MCC: variants seen among roughly 807,000 people sequenced by gnomAD.
MCC encodes MCC regulator of Wnt signaling pathway.
In MCC, 90 loss-of-function variants were observed where a neutral mutation model predicts 116.2. That is an observed-to-expected ratio of 0.77 (90% CI 0.65 to 0.92). MCC has a LOEUF of 0.92. Among genes scored for constraint, MCC ranks in the 40% least tolerant of loss-of-function variants. The pLI is 0.00. For synonymous variants in MCC, 578 were observed against 510.5 expected (o/e 1.13, Z -1.78); for missense variants, 1,516 against 1,312.2 (o/e 1.16, Z -2.40).
At chr5:113,161,527 C>T (rs924110080) in intron 3 of MCC, among the ~76,000 whole-genome samples, 1 of 152,116 alleles carries the variant, frequency 6.6e-6, no homozygotes, top group African/African-American at 2.4e-5. Flanking sequence ...AGTATTTTTA[C>T]AGCAATGGTT....
At chr5:113,297,749 CAAAAAAA>C (rs57148050) in intron 3 of MCC, among the ~76,000 whole-genome samples, 118 of 60,560 alleles carry the variant, frequency 1.9e-3, no homozygotes, top group African/African-American at 6.2e-3. Flanking sequence ...GACTCTGTCT[CAAAAAAA>C]AAAAAAAAAA....
chr5:113,448,593 T>G (rs1175904226), intron 1 of MCC, among the ~76,000 whole-genome samples: 1 of 151,950 alleles, frequency 6.6e-6, no homozygotes, highest in Non-Finnish European at 1.5e-5. Context: ...TTTTTCAGAT[T>G]TGATGCACTG....
Position 113,081,073 on chromosome 5 carries a change from A to AC in MCC, c.1784+1786dup, listed in dbSNP as rs553582441. Among the ~76,000 whole-genome samples the AC allele has an allele frequency of 2.2e-4, 33 of 151,622 alleles. 1 individual carries two copies. In the South Asian group the frequency reaches 4.0e-3, roughly 18 times the overall value. On this transcript the variant is annotated intron_variant, in intron 11 of 18. Transcript: ENST00000408903. ...GAAAACATTTTGGTGGGTAGGGATG[A>AC]CCCCCCCTCCCCTGCCAATCATGAA...
At chr5:113,310,560 T>A (rs1767113359) in intron 3 of MCC, among the ~76,000 whole-genome samples, 1 of 152,224 alleles carries the variant, frequency 6.6e-6, no homozygotes, top group Admixed American at 6.5e-5. Context: ...AACTACTTAT[T>A]TTTTTCATAT....
At chr5:113,050,099 C>T (rs533349780) in intron 15 of MCC, among the ~76,000 whole-genome samples, 17 of 152,214 alleles carry the variant, frequency 1.1e-4, no homozygotes, top group Admixed American at 7.2e-4. Flanking sequence ...TTCATCTTCC[C>T]AACCTGGGTT....
rs190212672 is a variant in MCC, at chr5:113,242,475, T to C, written c.628-91053A>G. 4.0e-3 allele frequency among the ~76,000 whole-genome samples: 607 copies of C among 152,204 alleles called. 2 individuals carry two copies. The highest frequency in any genetic ancestry group is 6.4e-3 in the Non-Finnish European group (432 of 68,012). On this transcript the variant is annotated intron_variant, in intron 3 of 18. Transcript: ENST00000408903. ...ATTAACTGGAAAAAAAATTAAGTCT[T>C]ACATTCACATTTAAAAACAACTACG...
chr5:113,471,748 T>C (rs1394995608), intron 1 of MCC, among the ~76,000 whole-genome samples: 1 of 49,534 alleles, frequency 2.0e-5, no homozygotes, highest in Non-Finnish European at 4.3e-5. Context: ...TTTTTGTTTG[T>C]CTGTGCCCTG....
intron 3 of MCC, among the ~76,000 whole-genome samples, chr5:113,182,163 A>G (rs903258733): frequency 6.6e-6 from 1 of 152,200 alleles, no homozygotes; most frequent in East Asian, 1.9e-4. Flanking sequence ...ACCCCCACCA[A>G]TGAAATGCTT....
At chr5:113,079,024 CAGAG>C (rs1372767584) in intron 11 of MCC, among the ~76,000 whole-genome samples, 2 of 152,184 alleles carry the variant, frequency 1.3e-5, no homozygotes, top group African/African-American at 4.8e-5. Flanking sequence ...AACAGACAAA[CAGAG>C]AGCCAAATCA....
At chr5:113,295,830 G>A (rs964906373) in intron 3 of MCC, among the ~76,000 whole-genome samples, 3 of 152,186 alleles carry the variant, frequency 2.0e-5, no homozygotes, top group Admixed American at 1.3e-4. Flanking sequence ...GTAGGTCTGC[G>A]AGATTGCTTA....
At chr5:113,128,979 ACAT>A (rs566132897) in intron 5 of MCC, among the ~76,000 whole-genome samples, 170 of 152,318 alleles carry the variant, frequency 1.1e-3, no homozygotes, top group African/African-American at 3.9e-3. Context: ...ATCAGGAGAA[ACAT>A]CAAGCTCCTA....
At chr5:113,242,888 C>T (rs1413654015) in intron 3 of MCC, among the ~76,000 whole-genome samples, 1 of 152,130 alleles carries the variant, frequency 6.6e-6, no homozygotes, top group Non-Finnish European at 1.5e-5. Context: ...AGGCAAGACC[C>T]GGACAAGCTG....
Position 113,217,208 on chromosome 5 carries a change from T to TTC in MCC, c.628-65788_628-65787dup, listed in dbSNP as rs369131285. On this transcript the variant is annotated intron_variant, in intron 3 of 18. Transcript: ENST00000408903. ...AAAGACCAAACTCCAAAGGAGGAGC[T>TTC]TCTCTCTCTCTCTCCCATAAAGATT... is the stretch of plus-strand genomic sequence containing the variant. Among the ~76,000 whole-genome samples the TTC allele has an allele frequency of 8.3e-3, 1,261 of 151,962 alleles. 6 individuals carry two copies. Among genetic ancestry groups the TTC allele is most frequent in the South Asian group, 0.015 (74 of 4,806 alleles).
In MCC at chr5:113,184,208, C is replaced by T. The variant is rs138350883; in HGVS notation, c.628-32786G>A. ...GGATAATATCGATATTCTGACAGAA[C>T]ATAATGGGATAACTCAGGTCCTTAA... is the stretch of plus-strand genomic sequence containing the variant. On this transcript the variant is annotated intron_variant, in intron 3 of 18. Coordinates refer to ENST00000408903, the MANE Select transcript of MCC (RefSeq NM_001085377.2). Among the ~76,000 whole-genome samples, 276 of 152,254 alleles carry T rather than the reference C, an allele frequency of 1.8e-3. 6 individuals are homozygous for T. The highest frequency in any genetic ancestry group is 0.016 in the Admixed American group (239 of 15,294).
intron 3 of MCC, among the ~76,000 whole-genome samples, chr5:113,200,472 A>G (rs951051945): frequency 2.6e-5 from 4 of 152,108 alleles, no homozygotes; most frequent in Non-Finnish European, 5.9e-5. Context: ...AAAGCACAAG[A>G]CTATACAAGA....
At position 113,022,470 on chromosome 5, in the gene MCC, C is replaced by T. The variant is rs1750209923; in HGVS notation, c.*4832G>A. The T allele has an allele frequency of 6.6e-6, 1 of 152,616 alleles. No homozygotes were observed. Among genetic ancestry groups the T allele is most frequent in the African/African-American group, 2.4e-5 (1 of 41,452 alleles). The allele number at this position is 152,616 out of a possible 1,614,324, so 9.5% of individuals were successfully genotyped here. A position where few individuals can be genotyped will look rare whatever the true frequency, so the allele number is the denominator to read the frequency against. On this transcript the variant is annotated 3_prime_UTR_variant, in exon 19 of 19. Coordinates refer to ENST00000408903, the MANE Select transcript of MCC (RefSeq NM_001085377.2). ...TATTCAAATAATAGGAAACAAATCT[C>T]ATGCAAAGTAAATAAATCTTGATGT...
chr5:113,337,555 C>T (rs1420001166), intron 3 of MCC, among the ~76,000 whole-genome samples: 2 of 152,044 alleles, frequency 1.3e-5, no homozygotes, highest in Non-Finnish European at 2.9e-5. Flanking sequence ...GGCTGTTCTT[C>T]GTATGTGCTA....
chr5:113,347,825 T>C (rs1441232279), intron 2 of MCC, among the ~76,000 whole-genome samples: 1 of 152,046 alleles, frequency 6.6e-6, no homozygotes, highest in Non-Finnish European at 1.5e-5. Flanking sequence ...AAATGACCTG[T>C]TGCCTACAAG....
chr5:113,367,999 C>T (rs769260704), intron 2 of MCC, among the ~76,000 whole-genome samples: 1 of 152,130 alleles, frequency 6.6e-6, no homozygotes, highest in Non-Finnish European at 1.5e-5. Context: ...AGTGGGAATA[C>T]ATGAAAGAAT....
Sources: allele counts gnomAD v4.1 joint callset (sites outside exome capture counted in the v4.1 genomes callset), GRCh38; gene constraint gnomAD v4.1.1; transcripts MANE v1.5; gene names NCBI Gene and HGNC (gene_info 2026-07-23, HGNC 2026-07-21).